EEA1: variants seen among roughly 807,000 people sequenced by gnomAD.
EEA1 encodes the protein early endosome antigen 1, also known as early endosome antigen 1, 162kD.
In EEA1, 111 loss-of-function variants were observed where a neutral mutation model predicts 209.2. The observed-to-expected ratio is 0.53, with a 90% CI of 0.45 to 0.62. The LOEUF (loss-of-function observed/expected upper bound fraction) is 0.62, where lower values mean the gene tolerates loss of function less well. EEA1 is among the 20% of genes least tolerant of loss of function. The probability of loss-of-function intolerance (pLI) is 0.00; values close to 1 mark genes in which losing one functional copy is unlikely to be tolerated. For synonymous variants in EEA1, 536 were observed against 540.6 expected (o/e 0.99, Z 0.12); for missense variants, 1,343 against 1,530.8 (o/e 0.88, Z 2.05).
intron 1 of EEA1, among the ~76,000 whole-genome samples, chr12:92,921,748 A>AT (rs1881005008): frequency 1.4e-5 from 2 of 141,478 alleles, no homozygotes; most frequent in African/African-American, 5.2e-5. Flanking sequence ...TTAAAGTATA[A>AT]TAAAAAAAAA....
chr12:92,818,611 G>A (rs1051293726), intron 14 of EEA1, among the ~76,000 whole-genome samples: 3 of 152,068 alleles, frequency 2.0e-5, no homozygotes, highest in African/African-American at 7.2e-5. Flanking sequence ...AATTTGGGGG[G>A]AAATCTGTTA....
intron 11 of EEA1, among the ~76,000 whole-genome samples, chr12:92,831,141 A>T (rs1876608450): frequency 6.6e-6 from 1 of 152,160 alleles, no homozygotes; most frequent in Non-Finnish European, 1.5e-5. Context: ...ATTATTACTA[A>T]AGGATAGAAA....
intron 22 of EEA1, among the ~76,000 whole-genome samples, chr12:92,786,240 G>A (rs941300702): frequency 5.3e-5 from 8 of 152,106 alleles, no homozygotes; most frequent in African/African-American, 1.9e-4. Context: ...AATCTGCAGT[G>A]AGTCATTTGC....
At chr12:92,826,774 T>C (rs1469077431) in intron 12 of EEA1, among the ~76,000 whole-genome samples, 2 of 151,332 alleles carry the variant, frequency 1.3e-5, no homozygotes, top group Admixed American at 1.3e-4. Context: ...AGAATCTTAA[T>C]CTCATGTTAA....
At position 92,916,159 on chromosome 12, in the gene EEA1, G is replaced by T. The variant is rs979198848; in HGVS notation, c.24+12884C>A. On this transcript the variant is annotated intron_variant, in intron 1 of 28. Transcript: ENST00000322349. The stretch of plus-strand genomic sequence containing the variant: ...TATGTTAGGCAAGTTTAAAGTATAG[G>T]GTGTTTTGATTCATCAAATATGAAT... Among the ~76,000 whole-genome samples the T allele has an allele frequency of 2.0e-5, 3 of 151,998 alleles. No homozygotes were observed. The South Asian group carries it at 6.2e-4, about 32-fold the overall frequency.
intron 14 of EEA1, among the ~76,000 whole-genome samples, chr12:92,817,189 T>C (rs4616079): frequency 0.61 from 92,345 of 150,638 alleles, 29,851 homozygotes; most frequent in East Asian, 0.94. Context: ...AGGTACTGTG[T>C]TTTTTTCCCC....
intron 2 of EEA1, chr12:92,884,829 G>GT: frequency 3.0e-6 from 2 of 662,990 alleles, no homozygotes; most frequent in Non-Finnish European, 5.4e-6. Flanking sequence ...AAGAAGACCT[G>GT]TTTTAGACAA....
chr12:92,786,293 T>C (rs749959285), intron 22 of EEA1, among the ~76,000 whole-genome samples: 8 of 152,194 alleles, frequency 5.3e-5, no homozygotes, highest in Non-Finnish European at 7.4e-5. Context: ...GGTTCCTCAC[T>C]GTTCTTAGGC....
At chr12:92,805,660 A>C (rs1875166418) in intron 18 of EEA1, among the ~76,000 whole-genome samples, 1 of 152,242 alleles carries the variant, frequency 6.6e-6, no homozygotes, top group African/African-American at 2.4e-5. Flanking sequence ...TGTTCATTGA[A>C]GATCTCATCA....
intron 1 of EEA1, among the ~76,000 whole-genome samples, chr12:92,895,853 G>C (rs1291895733): frequency 6.6e-6 from 1 of 152,126 alleles, no homozygotes; most frequent in African/African-American, 2.4e-5. Flanking sequence ...CAAGAGTTTA[G>C]AAGTTGATTC....
intron 21 of EEA1, among the ~76,000 whole-genome samples, chr12:92,796,998 A>G (rs1030387377): frequency 6.6e-6 from 1 of 152,240 alleles, no homozygotes; most frequent in Non-Finnish European, 1.5e-5. Flanking sequence ...TGGCTTGAAC[A>G]TCTCTAGATT....
chr12:92,825,483 A>T (rs1876254416), intron 13 of EEA1, among the ~76,000 whole-genome samples: 1 of 151,940 alleles, frequency 6.6e-6, no homozygotes, highest in Non-Finnish European at 1.5e-5. Context: ...AGAATGAATT[A>T]AAAAATATCA....
At chr12:92,841,533 G>A (rs1877161031) in intron 10 of EEA1, among the ~76,000 whole-genome samples, 1 of 152,086 alleles carries the variant, frequency 6.6e-6, no homozygotes, top group African/African-American at 2.4e-5. Flanking sequence ...CTGATAAGGG[G>A]TTAATATCCA....
intron 16 of EEA1, among the ~76,000 whole-genome samples, chr12:92,812,570 T>C (rs918569899): frequency 5.9e-5 from 9 of 152,152 alleles, no homozygotes; most frequent in African/African-American, 2.2e-4. Flanking sequence ...CTTTTCCTGT[T>C]TCCAAGTGGC....
intron 21 of EEA1, among the ~76,000 whole-genome samples, chr12:92,796,106 G>C (rs1438770746): frequency 6.6e-6 from 1 of 151,200 alleles, no homozygotes; most frequent in Non-Finnish European, 1.5e-5. Flanking sequence ...ACAGATAAAT[G>C]CAACAGTTTG....
At chr12:92,816,463 A>G in intron 14 of EEA1, 63 bp from the exon 15 acceptor site, 2 of 1,458,494 alleles carry the variant, frequency 1.4e-6, no homozygotes, top group Non-Finnish European at 1.9e-6. Context: ...TCAGAAACCT[A>G]AATTTAAGAA....
chr12:92,842,584 A>G lies in EEA1; in HGVS notation c.799-3T>C, dbSNP rs750367906. ...CTCCTTAGCTGGCTTATTGTGGCCTAACAAAACAAAACAAAACAAAAATTA... is the reference window on the plus strand; with the variant it reads ...CTCCTTAGCTGGCTTATTGTGGCCTGACAAAACAAAACAAAACAAAAATTA... On this transcript the variant is annotated splice_polypyrimidine_tract_variant and splice_region_variant and intron_variant, in intron 9 of 28. Coordinates refer to ENST00000322349, the MANE Select transcript of EEA1 (RefSeq NM_003566.4). 1 of 1,357,872 alleles carries G rather than the reference A, an allele frequency of 7.4e-7. No homozygotes were observed. The highest frequency in any genetic ancestry group is 1.0e-6 in the Non-Finnish European group (1 of 973,470). The allele number at this position is 1,357,872 out of a possible 1,614,324, so 84.1% of individuals were successfully genotyped here.
intron 2 of EEA1, among the ~76,000 whole-genome samples, chr12:92,873,685 T>A (rs1878749213): frequency 6.6e-6 from 1 of 152,170 alleles, no homozygotes; most frequent in African/African-American, 2.4e-5. Context: ...TGGGCTTGAA[T>A]CCTGGATTCA....
intron 1 of EEA1, among the ~76,000 whole-genome samples, chr12:92,908,156 AG>A (rs1272464719): frequency 1.3e-5 from 2 of 152,246 alleles, no homozygotes; most frequent in Non-Finnish European, 2.9e-5. Context: ...TTTAAAAGGA[AG>A]AAAATTCTGA....
Sources: allele counts gnomAD v4.1 joint callset (sites outside exome capture counted in the v4.1 genomes callset), GRCh38; gene constraint gnomAD v4.1.1; transcripts MANE v1.5; gene names NCBI Gene and HGNC (gene_info 2026-07-23, HGNC 2026-07-21).